CEP128: variants seen among roughly 807,000 people sequenced by gnomAD.
CEP128 encodes the protein centrosomal protein 128.
CEP128 carries 132 observed loss-of-function variants against 156.7 expected under a neutral mutation model. That is an observed-to-expected ratio of 0.84 (90% CI 0.73 to 0.97). The LOEUF (loss-of-function observed/expected upper bound fraction) is 0.97. Ranked by LOEUF, CEP128 falls within the 50% of genes least tolerant of loss-of-function variation. The probability of loss-of-function intolerance (pLI) is 0.00; values close to 1 mark genes in which losing one functional copy is unlikely to be tolerated. For missense variants in CEP128, 1,252 were observed against 1,281.9 expected (o/e 0.98, Z 0.36); for synonymous variants, 469 against 448.9 (o/e 1.04, Z -0.57).
At chr14:80,690,272 C>T (rs1315096578) in intron 19 of CEP128, among the ~76,000 whole-genome samples, 1 of 147,332 alleles carries the variant, frequency 6.8e-6, no homozygotes, top group Non-Finnish European at 1.5e-5. Flanking sequence ...AAAAATTAGC[C>T]GGGCATGGTG....
chr14:80,545,162 A>G (rs1265620181), intron 21 of CEP128, among the ~76,000 whole-genome samples: 2 of 152,170 alleles, frequency 1.3e-5, no homozygotes, highest in African/African-American at 4.8e-5. Context: ...TAGGACTTCA[A>G]ACAAGAAGTA....
At chr14:80,787,988 C>G (rs1430502788) in intron 14 of CEP128, among the ~76,000 whole-genome samples, 1 of 152,162 alleles carries the variant, frequency 6.6e-6, no homozygotes, top group Non-Finnish European at 1.5e-5. Context: ...AGCTTCACAT[C>G]AATTCCTGAC....
chr14:80,787,782 T>A (rs1157109661), intron 14 of CEP128, among the ~76,000 whole-genome samples: 1 of 152,202 alleles, frequency 6.6e-6, no homozygotes, highest in African/African-American at 2.4e-5. Context: ...CATATTTTCA[T>A]AATGAAGTCA....
intron 13 of CEP128, among the ~76,000 whole-genome samples, chr14:80,804,050 CAT>C (rs1285034259): frequency 6.6e-6 from 1 of 151,836 alleles, no homozygotes; most frequent in African/African-American, 2.4e-5. Flanking sequence ...CTAGAATAAA[CAT>C]GTGTACTGCA....
intron 21 of CEP128, among the ~76,000 whole-genome samples, chr14:80,533,036 T>A (rs976823571): frequency 5.3e-5 from 8 of 152,204 alleles, no homozygotes; most frequent in African/African-American, 1.9e-4. Context: ...TACACTGCCA[T>A]GCATTTTAAA....
intron 13 of CEP128, among the ~76,000 whole-genome samples, chr14:80,794,401 A>G (rs961242874): frequency 2.0e-5 from 3 of 152,184 alleles, no homozygotes; most frequent in South Asian, 2.1e-4. Flanking sequence ...GCTAAATTCA[A>G]TGCAGCCTGG....
chr14:80,607,910 TACTCTCTCTGCTGTCACCTATTACA>T (rs1310499811), intron 19 of CEP128, among the ~76,000 whole-genome samples: 1 of 152,194 alleles, frequency 6.6e-6, no homozygotes, highest in Non-Finnish European at 1.5e-5. Context: ...CCACCAGAAG[TACTCTCTCTGCTGTCACCTATTACA>T]ACTCTCCTCC....
chr14:80,838,105 G>A, intron 11 of CEP128, 99 bp downstream of exon 11: 1 of 793,718 alleles, frequency 1.3e-6, no homozygotes, highest in South Asian at 1.8e-5. Context: ...ATTTTTTCTA[G>A]ACCTAGTTCT....
chr14:80,756,851 C>A (rs369563298), intron 18 of CEP128, 41 bp downstream of exon 18: 3 of 1,325,270 alleles, frequency 2.3e-6, no homozygotes, highest in Non-Finnish European at 3.2e-6. Context: ...GCTTAAAGAT[C>A]ATAAATATTA....
intron 23 of CEP128, among the ~76,000 whole-genome samples, chr14:80,511,970 A>G (rs1458745614): frequency 1.3e-5 from 2 of 152,030 alleles, no homozygotes; most frequent in African/African-American, 4.8e-5. Flanking sequence ...TTGAATTTTT[A>G]AAGAACTGTT....
chr14:80,777,690 T>G (rs1291921986), intron 16 of CEP128, among the ~76,000 whole-genome samples, 192 bp downstream of exon 16: 1 of 152,170 alleles, frequency 6.6e-6, no homozygotes, highest in African/African-American at 2.4e-5. Flanking sequence ...ACCCTTCAAA[T>G]GTATTAGAAG....
chr14:80,754,663 C>T (rs1201704658), intron 18 of CEP128, among the ~76,000 whole-genome samples: 2 of 151,760 alleles, frequency 1.3e-5, no homozygotes, highest in Non-Finnish European at 2.9e-5. Context: ...AGGGGTTCAC[C>T]GTGTTAGCTA....
At chr14:80,712,463 G>A (rs1165191778) in intron 19 of CEP128, among the ~76,000 whole-genome samples, 2 of 151,986 alleles carry the variant, frequency 1.3e-5, no homozygotes, top group Admixed American at 6.6e-5. Context: ...CTACCACTTG[G>A]GCCCAGAGAG....
At chr14:80,920,658 A>T (rs1884808504) in intron 2 of CEP128, among the ~76,000 whole-genome samples, 1 of 152,220 alleles carries the variant, frequency 6.6e-6, no homozygotes, top group African/African-American at 2.4e-5. Flanking sequence ...GAGTCGTCAC[A>T]TAAGGAAACA....
chr14:80,648,616 GGAA>G (rs1894762485), intron 19 of CEP128, among the ~76,000 whole-genome samples: 1 of 152,168 alleles, frequency 6.6e-6, no homozygotes, highest in South Asian at 2.1e-4. Context: ...AATTAATAAA[GGAA>G]GTCTGTAGAA....
intron 19 of CEP128, among the ~76,000 whole-genome samples, chr14:80,617,217 A>ATTTTTTTTTTTT (rs1555382736): frequency 4.6e-5 from 2 of 43,140 alleles, no homozygotes; most frequent in African/African-American, 1.4e-4. Flanking sequence ...TGTGAATATC[A>ATTTTTTTTTTTT]TCTTTTTTTT....
At chr14:80,485,834 G>A (rs1276425220), downstream of CEP128, among the ~76,000 whole-genome samples, 3 of 152,336 alleles carry the variant, frequency 2.0e-5, no homozygotes, top group Middle Eastern at 3.4e-3. Context: ...CCAATGATGG[G>A]AAGTTTTTCC....
chr14:80,919,477 C>T (rs1374069776), intron 2 of CEP128, among the ~76,000 whole-genome samples: 1 of 152,092 alleles, frequency 6.6e-6, no homozygotes, highest in Non-Finnish European at 1.5e-5. Context: ...CCAACCACCC[C>T]TCCTTCACCC....
chr14:80,673,645 C>CAAAAAAAAAAAA (rs4016509), intron 19 of CEP128, among the ~76,000 whole-genome samples: 6 of 43,956 alleles, frequency 1.4e-4, no homozygotes, highest in African/African-American at 7.4e-4. Flanking sequence ...GACTCCGTCT[C>CAAAAAAAAAAAA]AAAAAAAAAA....
Sources: allele counts gnomAD v4.1 joint callset (sites outside exome capture counted in the v4.1 genomes callset), GRCh38; gene constraint gnomAD v4.1.1; transcripts MANE v1.5; gene names NCBI Gene and HGNC (gene_info 2026-07-23, HGNC 2026-07-21).